Variants in FHOD3 observed in about 807,000 individuals in gnomAD.
FHOD3 encodes the protein FH1/FH2 domain-containing protein 3.
Under a neutral mutation model 173.0 loss-of-function variants are expected in FHOD3, and 90 were observed. The observed-to-expected ratio is 0.52, with a 90% CI of 0.44 to 0.62. The LOEUF (loss-of-function observed/expected upper bound fraction) is 0.62. Ranked by LOEUF, FHOD3 falls within the 20% of genes least tolerant of loss-of-function variation. The pLI is 0.00. For synonymous variants in FHOD3, 828 were observed against 823.0 expected (o/e 1.01, Z -0.10); for missense variants, 1,945 against 2,034.7 (o/e 0.96, Z 0.85).
intron 1 of FHOD3, among the ~76,000 whole-genome samples, chr18:36,354,076 C>T (rs1021727995): frequency 1.3e-5 from 2 of 152,170 alleles, no homozygotes; most frequent in Non-Finnish European, 2.9e-5. Context: ...AGCCAGAGCC[C>T]AACTCTAAGG....
At chr18:36,599,373 GA>G (rs1030125352) in intron 7 of FHOD3, among the ~76,000 whole-genome samples, 1 of 152,148 alleles carries the variant, frequency 6.6e-6, no homozygotes, top group African/African-American at 2.4e-5. Context: ...TGATTAGCAG[GA>G]AAAAAATTCA....
intron 17 of FHOD3, among the ~76,000 whole-genome samples, chr18:36,708,135 C>T (rs1278364548): frequency 6.6e-6 from 1 of 152,092 alleles, no homozygotes; most frequent in Non-Finnish European, 1.5e-5. Flanking sequence ...TTCCCTGTTC[C>T]CTAGAGTGTC....
chr18:36,540,878 G>C (rs1599573864), intron 5 of FHOD3, among the ~76,000 whole-genome samples: 1 of 152,136 alleles, frequency 6.6e-6, no homozygotes, highest in African/African-American at 2.4e-5. Flanking sequence ...CCATATTGGT[G>C]TACCCGCAAC....
At chr18:36,324,107 A>C (rs2044543080) in intron 1 of FHOD3, among the ~76,000 whole-genome samples, 1 of 152,240 alleles carries the variant, frequency 6.6e-6, no homozygotes, top group Non-Finnish European at 1.5e-5. Context: ...GTCCCAAAGC[A>C]TAGCCACACA....
At position 36,652,693 on chromosome 18, in the gene FHOD3, C is replaced by G. The variant is rs550501992; in HGVS notation, c.1410C>G (p.Gly470=). Residue 470 remains glycine (G), a synonymous_variant, in exon 12 of 29, where the codon GGC becomes GGG. Coordinates refer to ENST00000590592, the MANE Select transcript of FHOD3 (RefSeq NM_001281740.3). ...QGKPLLVGTA[G]GTTWHSGSSG... ...AGCCGCTTCTGGTTGGCACTGCAGGCGGGACCACCTGGCACAGTGGGTCCT... is the reference window on the plus strand; with the variant it reads ...AGCCGCTTCTGGTTGGCACTGCAGGGGGGACCACCTGGCACAGTGGGTCCT... The G allele has an allele frequency of 1.3e-6, 2 of 1,535,594 alleles. No homozygotes were observed. Among genetic ancestry groups the G allele is most frequent in the African/African-American group, 2.7e-5 (2 of 73,000 alleles).
At chr18:36,479,282 T>C (rs543390751) in intron 3 of FHOD3, among the ~76,000 whole-genome samples, 2 of 152,370 alleles carry the variant, frequency 1.3e-5, no homozygotes, top group South Asian at 4.1e-4. Context: ...TGACAGGTAC[T>C]ATACATTGCC....
chr18:36,397,670 G>A (rs1301522022), intron 3 of FHOD3, among the ~76,000 whole-genome samples: 2 of 152,076 alleles, frequency 1.3e-5, no homozygotes, highest in Admixed American at 1.3e-4. Flanking sequence ...TCCTAAAAAT[G>A]GTTACTTAGA....
At chr18:36,607,884 G>A (rs1159827122) in intron 8 of FHOD3, among the ~76,000 whole-genome samples, 2 of 152,002 alleles carry the variant, frequency 1.3e-5, no homozygotes, top group African/African-American at 2.4e-5. Flanking sequence ...CTTGATTCTC[G>A]TTTCCATCTG....
intron 5 of FHOD3, among the ~76,000 whole-genome samples, chr18:36,561,092 T>C (rs1032427707): frequency 3.9e-5 from 6 of 152,228 alleles, no homozygotes; most frequent in Non-Finnish European, 7.3e-5. Flanking sequence ...TCAAATTTCA[T>C]GTTTCTAGCT....
intron 3 of FHOD3, among the ~76,000 whole-genome samples, chr18:36,419,787 G>A (rs950506794): frequency 1.3e-5 from 2 of 152,176 alleles, no homozygotes; most frequent in African/African-American, 4.8e-5. Flanking sequence ...TGTGGCCAGG[G>A]AGGAACACAG....
At chr18:36,419,187 A>T (rs2049849471) in intron 3 of FHOD3, among the ~76,000 whole-genome samples, 1 of 151,900 alleles carries the variant, frequency 6.6e-6, no homozygotes, top group African/African-American at 2.4e-5. Flanking sequence ...AGGAATTTTA[A>T]AATAATTATA....
intron 14 of FHOD3, among the ~76,000 whole-genome samples, chr18:36,662,697 T>G (rs1435933967): frequency 6.6e-6 from 1 of 152,100 alleles, no homozygotes; most frequent in East Asian, 1.9e-4. Context: ...GACATAACCT[T>G]TTGTGTGTGT....
At chr18:36,461,447 T>TG (rs201063988) in intron 3 of FHOD3, among the ~76,000 whole-genome samples, 2,275 of 148,574 alleles carry the variant, frequency 0.015, 59 homozygotes, top group African/African-American at 0.054. Flanking sequence ...GTCTGTTTTT[T>TG]TTTGTGTGTG....
At chr18:36,576,406 T>G (rs781726180) in intron 5 of FHOD3, 45 bp from the exon 6 acceptor site, 13 of 1,384,466 alleles carry the variant, frequency 9.4e-6, no homozygotes, top group Non-Finnish European at 1.2e-5. Flanking sequence ...AGATTATATT[T>G]CTATATACAT....
At chr18:36,524,549 G>A (rs577968028) in intron 5 of FHOD3, among the ~76,000 whole-genome samples, 1 of 152,220 alleles carries the variant, frequency 6.6e-6, no homozygotes, top group African/African-American at 2.4e-5. Flanking sequence ...ACTGGTACCC[G>A]TGAGGAGAGT....
intron 3 of FHOD3, among the ~76,000 whole-genome samples, chr18:36,458,379 T>C (rs1463453712): frequency 6.6e-6 from 1 of 152,144 alleles, no homozygotes; most frequent in African/African-American, 2.4e-5. Flanking sequence ...AGAAAAGAGA[T>C]CCTAACAGTT....
chr18:36,426,239 C>A (rs1435174916), intron 3 of FHOD3, among the ~76,000 whole-genome samples: 1 of 152,116 alleles, frequency 6.6e-6, no homozygotes, highest in Non-Finnish European at 1.5e-5. Context: ...CACAGCAGCT[C>A]TACATGGTAG....
At chr18:36,640,428 A>C (rs1323434208) in intron 10 of FHOD3, among the ~76,000 whole-genome samples, 1 of 152,248 alleles carries the variant, frequency 6.6e-6, no homozygotes, top group Non-Finnish European at 1.5e-5. Flanking sequence ...TTGGTGACCT[A>C]GAAACAGCCT....
intron 28 of FHOD3, among the ~76,000 whole-genome samples, chr18:36,772,731 G>C (rs1171237561): frequency 6.6e-6 from 1 of 152,224 alleles, no homozygotes; most frequent in Non-Finnish European, 1.5e-5. Context: ...CAGGTCGGCT[G>C]CTCTCCCAGC....
Sources: allele counts gnomAD v4.1 joint callset (sites outside exome capture counted in the v4.1 genomes callset), GRCh38; gene constraint gnomAD v4.1.1; transcripts MANE v1.5; gene names NCBI Gene and HGNC (gene_info 2026-07-23, HGNC 2026-07-21).